CIMIP7: variants seen among roughly 807,000 people sequenced by gnomAD.
CIMIP7 encodes uncharacterized protein C3orf84.
the CIMIP7 span, among the ~76,000 whole-genome samples, chr3:49,183,623 C>G: frequency 6.6e-6 from 1 of 152,336 alleles, no homozygotes; most frequent in Non-Finnish European, 1.5e-5. Context: ...CCACTGCACT[C>G]CAGCCTGGCC....
the CIMIP7 span, among the ~76,000 whole-genome samples, chr3:49,191,149 G>A: frequency 1.3e-5 from 2 of 152,132 alleles, no homozygotes; most frequent in Admixed American, 6.6e-5. Context: ...GGGTGTGTCT[G>A]GCCCTCCACA....
the CIMIP7 span, chr3:49,177,637 C>A: frequency 6.4e-7 from 1 of 1,571,194 alleles, no homozygotes; most frequent in South Asian, 1.2e-5. Context: ...GCTGCTGTGT[C>A]AGCTGTCCTT....
At chr3:49,179,707 AC>A in the CIMIP7 span, among the ~76,000 whole-genome samples, 2 of 152,008 alleles carry the variant, frequency 1.3e-5, no homozygotes, top group African/African-American at 4.8e-5. Context: ...ATGTGATGTT[AC>A]CCCCACTGAT....
At chr3:49,183,306 G>C in the CIMIP7 span, among the ~76,000 whole-genome samples, 1 of 152,266 alleles carries the variant, frequency 6.6e-6, no homozygotes, top group Admixed American at 6.5e-5. Context: ...AGAATGCAGA[G>C]AAACCAGATC....
the CIMIP7 span, among the ~76,000 whole-genome samples, chr3:49,185,280 A>G: frequency 1.3e-5 from 2 of 151,238 alleles, no homozygotes; most frequent in African/African-American, 4.9e-5. Flanking sequence ...AAAAAATTAC[A>G]TAGACCAAGC....
chr3:49,180,282 G>A, the CIMIP7 span, among the ~76,000 whole-genome samples: 2 of 152,110 alleles, frequency 1.3e-5, no homozygotes. Flanking sequence ...TAATGAACAG[G>A]GACAGAAGGT....
chr3:49,186,203 T>C, the CIMIP7 span, among the ~76,000 whole-genome samples: 1 of 151,322 alleles, frequency 6.6e-6, no homozygotes, highest in African/African-American at 2.4e-5. Flanking sequence ...TTCTCCATGT[T>C]GGTCAGGCTG....
At chr3:49,178,626 T>C in the CIMIP7 span, 1 of 1,163,684 alleles carries the variant, frequency 8.6e-7, no homozygotes, top group Non-Finnish European at 1.3e-6. Flanking sequence ...GGGTCCTTAA[T>C]GGAGGGAAGT....
chr3:49,180,864 A>G, the CIMIP7 span, among the ~76,000 whole-genome samples: 1 of 134,132 alleles, frequency 7.5e-6, no homozygotes, highest in Non-Finnish European at 1.5e-5. Context: ...CGGGAGGTGG[A>G]GCTTGTAGTT....
At chr3:49,180,636 A>C in the CIMIP7 span, among the ~76,000 whole-genome samples, 1 of 152,094 alleles carries the variant, frequency 6.6e-6, no homozygotes, top group African/African-American at 2.4e-5. Context: ...TGTGTTTAAG[A>C]GTTCCCTTTT....
chr3:49,190,993 G>C, the CIMIP7 span, among the ~76,000 whole-genome samples: 1 of 152,116 alleles, frequency 6.6e-6, no homozygotes, highest in African/African-American at 2.4e-5. Context: ...GAGAGGAACT[G>C]TCAGGAGACA....
At chr3:49,179,122 C>T in the CIMIP7 span, among the ~76,000 whole-genome samples, 1 of 152,164 alleles carries the variant, frequency 6.6e-6, no homozygotes, top group Non-Finnish European at 1.5e-5. Flanking sequence ...GCTCAGACCA[C>T]GGCAGCCAGA....
the CIMIP7 span, chr3:49,177,977 G>T: frequency 1.2e-6 from 2 of 1,613,252 alleles, no homozygotes; most frequent in Non-Finnish European, 1.7e-6. Context: ...GGTGCCCAGC[G>T]CAGGAAGGTG....
At chr3:49,182,720 C>T in the CIMIP7 span, among the ~76,000 whole-genome samples, 16 of 152,074 alleles carry the variant, frequency 1.1e-4, no homozygotes, top group African/African-American at 3.6e-4. Context: ...CAGGGGGCGG[C>T]GCTTGTTGGG....
chr3:49,190,953 C>A, the CIMIP7 span, among the ~76,000 whole-genome samples: 1 of 152,102 alleles, frequency 6.6e-6, no homozygotes, highest in Admixed American at 6.6e-5. Flanking sequence ...AGGCGTGAGC[C>A]ACTGCGCCTG....
chr3:49,190,058 G>C, the CIMIP7 span: 2 of 1,613,618 alleles, frequency 1.2e-6, no homozygotes, highest in South Asian at 2.2e-5. Flanking sequence ...CTGGAGGCTG[G>C]GGCTTGGCTG....
At chr3:49,190,933 C>T in the CIMIP7 span, among the ~76,000 whole-genome samples, 1 of 152,094 alleles carries the variant, frequency 6.6e-6, no homozygotes, top group Non-Finnish European at 1.5e-5. Context: ...TCCCAAAGTG[C>T]TGGGATTACA....
the CIMIP7 span, among the ~76,000 whole-genome samples, chr3:49,183,609 C>T: frequency 2.0e-5 from 3 of 152,124 alleles, no homozygotes; most frequent in Admixed American, 6.5e-5. Flanking sequence ...GAGCTGAGAT[C>T]GTGCCACTGC....
At chr3:49,182,887 G>A in the CIMIP7 span, among the ~76,000 whole-genome samples, 886 of 152,286 alleles carry the variant, frequency 5.8e-3, 11 homozygotes, top group African/African-American at 0.02. Context: ...CTCACTGCCC[G>A]GGGCGGGGGG....
Sources: allele counts gnomAD v4.1 joint callset (sites outside exome capture counted in the v4.1 genomes callset), GRCh38; gene constraint gnomAD v4.1.1; transcripts MANE v1.5; gene names NCBI Gene and HGNC (gene_info 2026-07-23, HGNC 2026-07-21).